Variants in SLC35F3 observed in about 807,000 individuals in gnomAD.
SLC35F3 encodes the protein solute carrier family 35 member F3.
Under a neutral mutation model 49.9 loss-of-function variants are expected in SLC35F3, and 25 were observed. That is an observed-to-expected ratio of 0.50 (90% confidence interval 0.37 to 0.70). SLC35F3 has a LOEUF of 0.70. Ranked by LOEUF, SLC35F3 falls within the 30% of genes least tolerant of loss-of-function variation. SLC35F3 has a pLI of 0.00. For missense variants in SLC35F3, 525 were observed against 639.8 expected, an observed-to-expected ratio of 0.82 and a Z score of 1.94; for synonymous variants, 275 against 265.4, an observed-to-expected ratio of 1.04 and a Z score of -0.35.
intron 2 of SLC35F3, among the ~76,000 whole-genome samples, chr1:234,050,140 T>C (rs1156682183): frequency 1.3e-5 from 2 of 152,250 alleles, no homozygotes; most frequent in African/African-American, 4.8e-5. Context: ...TATAATCCTT[T>C]GGGTATATAC....
Position 234,234,544 on chromosome 1 carries a change from C to T in SLC35F3, c.608+2803C>T, listed in dbSNP as rs1667433356. Reference sequence around the variant, plus strand: ...AGGGAATCCTAGTGCTGCTGGCCCACAGGCTGCACTTTAACTGTAAATGCC... The same window carrying T: ...AGGGAATCCTAGTGCTGCTGGCCCATAGGCTGCACTTTAACTGTAAATGCC... On this transcript the variant is annotated intron_variant, in intron 3 of 7. Transcript: ENST00000366618. Among the ~76,000 whole-genome samples, 2 of 152,132 alleles carry T rather than the reference C, an allele frequency of 1.3e-5. 1 individual carries two copies. The highest frequency in any genetic ancestry group is 4.2e-4 in the South Asian group (2 of 4,796).
chr1:234,258,437 T>C (rs1667853469), intron 3 of SLC35F3, among the ~76,000 whole-genome samples: 3 of 152,204 alleles, frequency 2.0e-5, no homozygotes, highest in Admixed American at 2.0e-4. Context: ...ACAAATATTG[T>C]GACTATCCCT....
chr1:234,030,924 A>G (rs1485876645), intron 2 of SLC35F3, among the ~76,000 whole-genome samples: 5 of 152,204 alleles, frequency 3.3e-5, no homozygotes, highest in Admixed American at 3.3e-4. Context: ...ATGGAGAACA[A>G]GGCAGACTAA....
At chr1:234,131,454 C>G (rs1400203785) in intron 2 of SLC35F3, among the ~76,000 whole-genome samples, 1 of 152,186 alleles carries the variant, frequency 6.6e-6, no homozygotes, top group Non-Finnish European at 1.5e-5. Flanking sequence ...CCCCCTTCCC[C>G]CCATCCCAGT....
intron 2 of SLC35F3, among the ~76,000 whole-genome samples, chr1:234,200,081 C>T (rs1253222855): frequency 6.6e-6 from 1 of 152,176 alleles, no homozygotes; most frequent in Non-Finnish European, 1.5e-5. Context: ...TATGGAGGTT[C>T]CTTCAAATCT....
At chr1:234,208,928 G>A (rs753556421) in intron 2 of SLC35F3, among the ~76,000 whole-genome samples, 27 of 152,174 alleles carry the variant, frequency 1.8e-4, no homozygotes, top group Non-Finnish European at 2.2e-4. Context: ...ATCACACATC[G>A]CTGAGGAGAT....
intron 2 of SLC35F3, among the ~76,000 whole-genome samples, chr1:234,131,768 A>G (rs1354449231): frequency 1.3e-5 from 2 of 152,194 alleles, no homozygotes; most frequent in African/African-American, 4.8e-5. Context: ...GTAGCTTTTA[A>G]TAGACCCAAA....
chr1:233,964,603 C>T (rs745315874), intron 2 of SLC35F3, among the ~76,000 whole-genome samples: 40 of 152,250 alleles, frequency 2.6e-4, no homozygotes, highest in African/African-American at 3.6e-4. Flanking sequence ...TCATGTGTCG[C>T]GAAGGCATGC....
intron 2 of SLC35F3, among the ~76,000 whole-genome samples, chr1:234,227,392 CTTTTTTTTTTTTTTTT>C (rs369277069): frequency 0.4 from 44,160 of 109,934 alleles, 11,957 homozygotes; most frequent in African/African-American, 0.75. Flanking sequence ...CTCTTTCTTT[CTTTTTTTTTTTTTTTT>C]TTTTTTTTGA....
intron 3 of SLC35F3, among the ~76,000 whole-genome samples, chr1:234,258,302 A>G (rs1667852079): frequency 6.6e-6 from 1 of 152,220 alleles, no homozygotes; most frequent in African/African-American, 2.4e-5. Context: ...TTAGTTCCTC[A>G]ATATGAGTCA....
chr1:233,956,512 CT>C (rs2102808385), intron 2 of SLC35F3, among the ~76,000 whole-genome samples: 1 of 152,312 alleles, frequency 6.6e-6, no homozygotes, highest in East Asian at 1.9e-4. Context: ...TTTTTCTCCC[CT>C]CTCCCTGGTT....
At chr1:234,160,201 A>G (rs1376268046) in intron 2 of SLC35F3, among the ~76,000 whole-genome samples, 1 of 152,248 alleles carries the variant, frequency 6.6e-6, no homozygotes, top group African/African-American at 2.4e-5. Flanking sequence ...GGACAGAAAT[A>G]TATAGCAGGC....
At chr1:234,032,457 G>GCAC (rs754906722) in intron 2 of SLC35F3, among the ~76,000 whole-genome samples, 64 of 151,964 alleles carry the variant, frequency 4.2e-4, no homozygotes, top group Admixed American at 7.9e-4. Flanking sequence ...TGATTTTGAT[G>GCAC]CACCCATCAC....
intron 2 of SLC35F3, among the ~76,000 whole-genome samples, chr1:233,962,476 C>A (rs1245156574): frequency 6.6e-6 from 1 of 152,222 alleles, no homozygotes; most frequent in Non-Finnish European, 1.5e-5. Context: ...GTGCCTTACA[C>A]TAATTGCCAG....
intron 2 of SLC35F3, among the ~76,000 whole-genome samples, chr1:234,179,707 C>T (rs1666528836): frequency 6.6e-6 from 1 of 150,704 alleles, no homozygotes; most frequent in Non-Finnish European, 1.5e-5. Flanking sequence ...AAGGACATGG[C>T]ATTAACTCTC....
chr1:233,970,849 A>G (rs1486332057), intron 2 of SLC35F3, among the ~76,000 whole-genome samples: 2 of 152,174 alleles, frequency 1.3e-5, no homozygotes, highest in East Asian at 1.9e-4. Flanking sequence ...ATACATTTCT[A>G]TTGCTTAAAC....
chr1:233,979,388 G>A (rs952632853), intron 2 of SLC35F3, among the ~76,000 whole-genome samples: 10 of 152,190 alleles, frequency 6.6e-5, no homozygotes, highest in African/African-American at 9.7e-5. Flanking sequence ...TGAATTATTC[G>A]GGCCGAACAG....
At chr1:233,973,551 C>T (rs1276976059) in intron 2 of SLC35F3, among the ~76,000 whole-genome samples, 2 of 152,214 alleles carry the variant, frequency 1.3e-5, no homozygotes, top group Admixed American at 6.5e-5. Context: ...GATGCAGAGT[C>T]TTGTGAGACA....
rs894854111 is a variant in SLC35F3 at position 234,296,079 on chromosome 1, G to A, written c.609-13022G>A. Among the ~76,000 whole-genome samples the A allele has an allele frequency of 2.6e-5, 4 of 152,332 alleles. No homozygotes were observed. In the East Asian group the frequency reaches 7.7e-4, roughly 29 times the overall value. On this transcript the variant is annotated intron_variant, in intron 3 of 7. Coordinates refer to ENST00000366618, the MANE Select transcript of SLC35F3 (RefSeq NM_173508.4). ...AAAAAGCAGGAACATAGAAGTGAGA[G>A]CCCAGCAGCTGTTATTTTCTGGTAC...
Sources: allele counts gnomAD v4.1 joint callset (sites outside exome capture counted in the v4.1 genomes callset), GRCh38; gene constraint gnomAD v4.1.1; transcripts MANE v1.5; gene names NCBI Gene and HGNC (gene_info 2026-07-23, HGNC 2026-07-21).